The following CTR9 variants were observed in gnomAD, a reference collection of about 807,000 sequenced individuals.
The protein encoded by CTR9 is CTR9 component of Paf1/RNA polymerase II complex.
In CTR9, 41 loss-of-function variants were observed where a neutral mutation model predicts 152.1. That is an observed-to-expected ratio of 0.27 (90% CI 0.21 to 0.35). The LOEUF (loss-of-function observed/expected upper bound fraction) is 0.35. Ranked by LOEUF, CTR9 falls within the 10% of genes least tolerant of loss-of-function variation. The pLI, the probability that CTR9 is intolerant of heterozygous loss-of-function variation, is 1.00. For missense variants in CTR9, 917 were observed against 1,424.4 expected (o/e 0.64, Z 5.73); for synonymous variants, 476 against 496.2 (o/e 0.96, Z 0.54).
intron 9 of CTR9, 79 bp downstream of exon 9, chr11:10,763,958 A>G: frequency 7.5e-7 from 1 of 1,328,318 alleles, no homozygotes; most frequent in Non-Finnish European, 1.1e-6. Flanking sequence ...TGTTATTGCT[A>G]GTAGAAATAT....
At chr11:10,754,115 C>G (rs1862847638) in intron 2 of CTR9, among the ~76,000 whole-genome samples, 1 of 152,190 alleles carries the variant, frequency 6.6e-6, no homozygotes. Context: ...TCAAGCCATC[C>G]TGCCACTACA....
intron 1 of CTR9, 78 bp downstream of exon 1, chr11:10,751,535 C>A (rs1862801674): frequency 5.6e-6 from 8 of 1,416,008 alleles, no homozygotes; most frequent in East Asian, 4.6e-5. Context: ...GACTTCGTTT[C>A]TGAAGCGAGA....
intron 24 of CTR9, among the ~76,000 whole-genome samples, chr11:10,778,445 ATAGC>A (rs1409815345): frequency 6.6e-6 from 1 of 152,216 alleles, no homozygotes; most frequent in Non-Finnish European, 1.5e-5. Flanking sequence ...ATTTTGACTT[ATAGC>A]TAAAGTGCCT....
chr11:10,763,774 C>T lies in CTR9; in HGVS notation c.1089C>T (p.Cys363=). ...GTGACAAAGAAAATGCATCTCAGTG[C>T]TTTGAGAAGGTTTTGAAAGCTTATC... ...YRGDKENASQ[C]FEKVLKAYPN... is the part of the protein sequence containing the mutation. Residue 363 remains cysteine, a synonymous_variant, in exon 9 of 25, where the codon TGC becomes TGT. Transcript: ENST00000361367. The T allele has an allele frequency of 1.2e-6, 2 of 1,613,966 alleles. No individual in the cohort carries two copies. The highest frequency in any genetic ancestry group is 1.7e-6 in the Non-Finnish European group (2 of 1,179,940).
intron 2 of CTR9, among the ~76,000 whole-genome samples, chr11:10,753,038 C>T (rs1433194547): frequency 1.3e-5 from 2 of 152,162 alleles, no homozygotes; most frequent in African/African-American, 4.8e-5. Flanking sequence ...AGTGCTTGTT[C>T]AGTGAAGGCT....
intron 22 of CTR9, among the ~76,000 whole-genome samples, chr11:10,774,755 C>A (rs182923317): frequency 1.1e-4 from 17 of 152,304 alleles, no homozygotes; most frequent in African/African-American, 4.1e-4. Context: ...GACTGCCCTT[C>A]CCAACCCTTG....
At position 10,768,124 on chromosome 11, in the gene CTR9, A is replaced by G; in HGVS notation, c.1923A>G (p.Arg641=). The G allele has an allele frequency of 1.9e-6, 3 of 1,614,086 alleles. No individual in the cohort carries two copies. Among genetic ancestry groups the G allele is most frequent in the Non-Finnish European group, 2.5e-6 (3 of 1,180,016 alleles). ...TGGCCATCTACAAACAAGTACTCAG[A>G]AATGATGCAAAGAATCTGTATGCTG... is the stretch of plus-strand genomic sequence containing the variant. The part of the protein sequence containing the change: ...RALAIYKQVL[R]NDAKNLYAAN... Residue 641 remains arginine (R), a synonymous_variant, in exon 15 of 25, where the codon AGA becomes AGG. Coordinates refer to ENST00000361367, the MANE Select transcript of CTR9 (RefSeq NM_014633.5).
chr11:10,760,658 A>G (rs1377531520), intron 6 of CTR9, among the ~76,000 whole-genome samples: 1 of 152,082 alleles, frequency 6.6e-6, no homozygotes, highest in Non-Finnish European at 1.5e-5. Flanking sequence ...AATCTCAGAT[A>G]AGGGGTCGTA....
At chr11:10,772,856 G>A (rs1214156225) in intron 20 of CTR9, among the ~76,000 whole-genome samples, 3 of 151,844 alleles carry the variant, frequency 2.0e-5, no homozygotes, top group Non-Finnish European at 4.4e-5. Flanking sequence ...GTGGAACCCC[G>A]TCTCTACTAA....
At chr11:10,778,628 G>T (rs756330425) in intron 24 of CTR9, 51 bp from the exon 25 acceptor site, 4 of 1,547,388 alleles carry the variant, frequency 2.6e-6, no homozygotes, top group African/African-American at 1.4e-5. Context: ...GCTCATCAAG[G>T]CCCCAGTTAG....
rs770506490 is a variant in CTR9 at position 10,770,190 on chromosome 11, A to T, written c.2110-20A>T. On this transcript the variant is annotated intron_variant, in intron 16 of 24. Coordinates refer to ENST00000361367, the MANE Select transcript of CTR9 (RefSeq NM_014633.5). ...TTTATTCTTTGTTGTGTTTTAATTA[A>T]CTTTTTTCTTTTACTGTAGTATGAA... The T allele has an allele frequency of 4.6e-6, 7 of 1,515,372 alleles. No individual in the cohort carries two copies. The highest frequency in any genetic ancestry group is 3.6e-5 in the South Asian group (3 of 83,734). 93.9% of individuals were successfully genotyped at this position (1,515,372 alleles called of 1,614,324 possible).
intron 6 of CTR9, among the ~76,000 whole-genome samples, 186 bp from the exon 7 acceptor site, chr11:10,761,761 T>A (rs1007448118): frequency 1.1e-4 from 16 of 152,098 alleles, no homozygotes; most frequent in Non-Finnish European, 1.9e-4. Context: ...ACAAAAAAAT[T>A]AAGGATTAAA....
intron 24 of CTR9, among the ~76,000 whole-genome samples, chr11:10,778,327 GT>G (rs2135388664): frequency 6.6e-6 from 1 of 152,296 alleles, no homozygotes; most frequent in Admixed American, 6.5e-5. Flanking sequence ...GTTAATTTGT[GT>G]ACAGAGATAA....
chr11:10,756,177 T>C (rs1862881470), intron 4 of CTR9, among the ~76,000 whole-genome samples: 1 of 152,160 alleles, frequency 6.6e-6, no homozygotes, highest in South Asian at 2.1e-4. Flanking sequence ...GAGTAATTGG[T>C]TATACACTTC....
At chr11:10,753,783 T>C (rs1196619860) in intron 2 of CTR9, among the ~76,000 whole-genome samples, 3 of 151,788 alleles carry the variant, frequency 2.0e-5, no homozygotes, top group Non-Finnish European at 4.4e-5. Context: ...GCACCTGTAG[T>C]AGAATAAATT....
Position 10,767,918 on chromosome 11 carries a change from A to G in CTR9, c.1799A>G (p.Asp600Gly). 1 of 1,614,196 alleles carries G rather than the reference A, an allele frequency of 6.2e-7. No individual in the cohort carries two copies. Among genetic ancestry groups the G allele is most frequent in the Non-Finnish European group, 8.5e-7 (1 of 1,180,014 alleles). ...RILKQPSTQS[D>G]TYSMLALGNV... The stretch of plus-strand genomic sequence containing the variant: ...TTAAAACAGCCATCCACACAGAGTG[A>G]TACCTATTCTATGCTAGCCCTTGGC... Residue 600 changes from aspartate (D) to glycine (G), a missense_variant, in exon 14 of 25, where the codon GAT becomes GGT. By Grantham distance (94) the Asp-to-Gly change is moderately conservative (BLOSUM62 -1). Around this residue, in one of 9 missense-constraint regions of CTR9, gnomAD observed 87 missense variants for 235.7 expected, o/e 0.37. Coordinates refer to ENST00000361367, the MANE Select transcript of CTR9 (RefSeq NM_014633.5). The surrounding 1 kb of genome is among the most constrained non-coding windows in gnomAD (Gnocchi z 4.0).
At chr11:10,758,827 G>A (rs944820922) in intron 5 of CTR9, among the ~76,000 whole-genome samples, 1 of 152,072 alleles carries the variant, frequency 6.6e-6, no homozygotes, top group African/African-American at 2.4e-5. Context: ...TCAAATTGCT[G>A]TGACATAGGC....
intron 24 of CTR9, among the ~76,000 whole-genome samples, chr11:10,777,606 G>T (rs1352140126): frequency 6.6e-6 from 1 of 152,178 alleles, no homozygotes; most frequent in Non-Finnish European, 1.5e-5. Flanking sequence ...AAGGTCCATT[G>T]TGAGAGGCTG....
At chr11:10,754,864 TG>T in intron 2 of CTR9, 93 bp from the exon 3 acceptor site, 1 of 1,310,614 alleles carries the variant, frequency 7.6e-7, no homozygotes, top group Non-Finnish European at 1.0e-6. Flanking sequence ...TCCAGTTTTT[TG>T]TTATTACAAA....
Sources: gnomAD v4.1 joint callset for allele counts (sites outside exome capture counted in the v4.1 genomes callset) on GRCh38, gnomAD v4.1.1 for gene constraint, gnomAD v4.1.1 regional missense constraint, Gnocchi (gnomAD v3.1) non-coding constraint, MANE v1.5 for transcripts, NCBI Gene and HGNC (gene_info 2026-07-23, HGNC 2026-07-21) for gene names.